The following ITGA9 variants were observed in gnomAD, a reference collection of about 807,000 sequenced individuals.
The protein encoded by ITGA9 is integrin alpha-9.
A neutral mutation model predicts 127.8 loss-of-function variants in ITGA9; 56 were observed. The ratio of observed to expected loss-of-function variants is 0.44; its 90% CI spans 0.35 to 0.55. The LOEUF is 0.55. ITGA9 is among the 20% of genes least tolerant of loss of function. The probability of loss-of-function intolerance (pLI) is 0.00; values close to 1 mark genes in which losing one functional copy is unlikely to be tolerated. For synonymous variants in ITGA9, 508 were observed against 514.5 expected (o/e 0.99, Z 0.17); for missense variants, 1,196 against 1,347.1 (o/e 0.89, Z 1.76).
At chr3:37,778,975 G>A (rs1326610047) in intron 24 of ITGA9, among the ~76,000 whole-genome samples, 2 of 149,476 alleles carry the variant, frequency 1.3e-5, no homozygotes, top group African/African-American at 2.5e-5. Flanking sequence ...TTATAGTTAC[G>A]ACTCTGTCTG....
At chr3:37,730,298 C>G (rs1696272089) in intron 18 of ITGA9, among the ~76,000 whole-genome samples, 1 of 152,180 alleles carries the variant, frequency 6.6e-6, no homozygotes, top group Non-Finnish European at 1.5e-5. Context: ...GGCTTGCTGC[C>G]TCTGATGTCC....
At chr3:37,801,821 G>A (rs1408141892) in intron 26 of ITGA9, among the ~76,000 whole-genome samples, 6 of 152,052 alleles carry the variant, frequency 3.9e-5, no homozygotes, top group African/African-American at 1.2e-4. Context: ...CCTGTCTTGC[G>A]GATGAGAAAA....
intron 8 of ITGA9, among the ~76,000 whole-genome samples, chr3:37,512,120 C>CCTTCCTTCCTTCTTTTCTTTTCT (rs1698929069): frequency 2.5e-5 from 1 of 39,464 alleles, no homozygotes; most frequent in African/African-American, 1.2e-4. Context: ...TTCCTTCCTT[C>CCTTCCTTCCTTCTTTTCTTTTCT]TTTCTTTTCT....
In ITGA9 at chr3:37,806,308, T is replaced by C. The variant is rs528841045; in HGVS notation, c.3009+2366T>C. 5.7e-3 allele frequency: 685 copies of C among 120,700 alleles called. 6 individuals carry two copies. Among genetic ancestry groups the C allele is most frequent in the African/African-American group, 0.026 (607 of 22,912 alleles). 7.5% of individuals were successfully genotyped at this position (120,700 alleles called of 1,614,324 possible). On this transcript the variant is annotated intron_variant, in intron 27 of 27. Coordinates refer to ENST00000264741, the MANE Select transcript of ITGA9 (RefSeq NM_002207.3). This position sits in a 1 kb window ranked among gnomAD's most constrained non-coding sequence, Gnocchi z 4.3. ...GGGTGTGTGTGTGTGTGCGTGCGCG[T>C]GTGTGTGTGTGTATGTGACTTCCTT...
intron 26 of ITGA9, among the ~76,000 whole-genome samples, chr3:37,791,673 A>C (rs1575239726): frequency 6.6e-6 from 1 of 152,196 alleles, no homozygotes; most frequent in South Asian, 2.1e-4. Context: ...AGCTCCTAGA[A>C]GAAGGGCTGG....
rs112503864 is a variant in ITGA9, at chr3:37,505,414, G to A, written c.743-586G>A. ...TAAACATATGACATATTTATATAAC[G>A]GATATTACTCAATAATAAAAAGAAA... On this transcript the variant is annotated intron_variant, in intron 6 of 27. Coordinates refer to ENST00000264741, the MANE Select transcript of ITGA9 (RefSeq NM_002207.3). Among the ~76,000 whole-genome samples, 17 of 152,234 alleles carry A rather than the reference G, an allele frequency of 1.1e-4. 1 individual carries two copies. Among genetic ancestry groups the A allele is most frequent in the African/African-American group, 3.6e-4 (15 of 41,544 alleles).
At chr3:37,746,749 G>A (rs374444859) in intron 22 of ITGA9, among the ~76,000 whole-genome samples, 7 of 152,294 alleles carry the variant, frequency 4.6e-5, no homozygotes, top group African/African-American at 1.7e-4. Flanking sequence ...GTTGTTTGGT[G>A]AATATTGTTC....
chr3:37,636,410 T>G (rs1700279433), intron 16 of ITGA9, among the ~76,000 whole-genome samples: 1 of 152,256 alleles, frequency 6.6e-6, no homozygotes, highest in Non-Finnish European at 1.5e-5. Flanking sequence ...TCATGTGTTT[T>G]TTGGCTGCAT....
chr3:37,672,585 G>A (rs1700647546), intron 17 of ITGA9, among the ~76,000 whole-genome samples: 1 of 152,162 alleles, frequency 6.6e-6, no homozygotes, highest in African/African-American at 2.4e-5. Flanking sequence ...ACCTGAGAAG[G>A]AGGACAGGGT....
intron 15 of ITGA9, among the ~76,000 whole-genome samples, chr3:37,614,320 C>A (rs1189541551): frequency 5.9e-5 from 9 of 151,854 alleles, no homozygotes; most frequent in African/African-American, 2.2e-4. Context: ...TTCCATTGAT[C>A]TATATCTCTG....
At chr3:37,781,230 T>C (rs1696972788) in intron 25 of ITGA9, among the ~76,000 whole-genome samples, 1 of 152,266 alleles carries the variant, frequency 6.6e-6, no homozygotes, top group South Asian at 2.1e-4. Flanking sequence ...TCCTGCAGTC[T>C]AGGGACCTCG....
chr3:37,785,342 G>C (rs1697027020), intron 26 of ITGA9, among the ~76,000 whole-genome samples: 6 of 152,184 alleles, frequency 3.9e-5, no homozygotes, highest in African/African-American at 1.4e-4. Context: ...AAATGGTCTG[G>C]AAGTACACCC....
intron 27 of ITGA9, 114 bp downstream of exon 27, chr3:37,804,056 C>T: frequency 7.0e-7 from 1 of 1,436,100 alleles, no homozygotes; most frequent in Non-Finnish European, 9.7e-7. Flanking sequence ...GGCACCGGTA[C>T]AGTGAAGGAC....
At chr3:37,743,061 T>C (rs1309762990) in intron 21 of ITGA9, among the ~76,000 whole-genome samples, 1 of 152,112 alleles carries the variant, frequency 6.6e-6, no homozygotes, top group African/African-American at 2.4e-5. Context: ...TTGGGAGGTG[T>C]TAACAGCCCC....
chr3:37,616,464 G>A (rs1700075793), intron 15 of ITGA9, among the ~76,000 whole-genome samples: 1 of 152,218 alleles, frequency 6.6e-6, no homozygotes, highest in African/African-American at 2.4e-5. Context: ...GGAGAGTTCT[G>A]TAGATGTCTA....
chr3:37,491,345 T>A (rs1698671435), intron 4 of ITGA9, among the ~76,000 whole-genome samples: 1 of 152,222 alleles, frequency 6.6e-6, no homozygotes, highest in Non-Finnish European at 1.5e-5. Context: ...AGCCTGCTTT[T>A]CCCCTGCTTC....
intron 27 of ITGA9, among the ~76,000 whole-genome samples, chr3:37,810,184 G>T (rs1697349642): frequency 6.6e-6 from 1 of 152,204 alleles, no homozygotes; most frequent in African/African-American, 2.4e-5. Context: ...GGAGCCAAAA[G>T]TGGTTGTTCC....
intron 18 of ITGA9, among the ~76,000 whole-genome samples, chr3:37,727,582 A>G (rs1696228459): frequency 6.6e-6 from 1 of 152,212 alleles, no homozygotes; most frequent in African/African-American, 2.4e-5. Flanking sequence ...GCAAAAGATT[A>G]TTTGCTTTAT....
At chr3:37,804,647 C>T (rs1327616822) in intron 27 of ITGA9, among the ~76,000 whole-genome samples, 1 of 152,138 alleles carries the variant, frequency 6.6e-6, no homozygotes, top group African/African-American at 2.4e-5. Context: ...CCACTGTGTC[C>T]CCAGCTCCAA....
Sources: allele counts gnomAD v4.1 joint callset (sites outside exome capture counted in the v4.1 genomes callset), GRCh38; gene constraint gnomAD v4.1.1; non-coding constraint Gnocchi (gnomAD v3.1); transcripts MANE v1.5; gene names NCBI Gene and HGNC (gene_info 2026-07-23, HGNC 2026-07-21).